Variants in MACROD2 observed in about 807,000 individuals in gnomAD.
The protein encoded by MACROD2 is mono-ADP ribosylhydrolase 2, also known as ADP-ribose glycohydrolase MACROD2.
In MACROD2, 36 loss-of-function variants were observed where a neutral mutation model predicts 70.4. The ratio of observed to expected loss-of-function variants is 0.51; its 90% CI spans 0.39 to 0.68. The LOEUF (loss-of-function observed/expected upper bound fraction) is 0.68. Ranked by LOEUF, MACROD2 falls within the 30% of genes least tolerant of loss-of-function variation. The pLI is 0.00. For synonymous variants in MACROD2, 172 were observed against 178.8 expected (o/e 0.96, Z 0.30); for missense variants, 496 against 538.4 (o/e 0.92, Z 0.78).
chr20:14,788,761 G>GT (rs1186932699), intron 5 of MACROD2, among the ~76,000 whole-genome samples: 7 of 102,576 alleles, frequency 6.8e-5, no homozygotes, highest in South Asian at 5.9e-4. Flanking sequence ...ACTAGTGGTG[G>GT]TGTTTTTTTT....
intron 5 of MACROD2, among the ~76,000 whole-genome samples, chr20:15,017,760 T>G (rs2075133026): frequency 1.3e-5 from 2 of 152,228 alleles, no homozygotes; most frequent in Non-Finnish European, 2.9e-5. Flanking sequence ...ACATGGAAAC[T>G]GCCAAAGCTT....
At chr20:14,252,064 T>C (rs2082017844) in intron 3 of MACROD2, among the ~76,000 whole-genome samples, 1 of 152,088 alleles carries the variant, frequency 6.6e-6, no homozygotes, top group African/African-American at 2.4e-5. Flanking sequence ...TGTGTCCCAC[T>C]ATGGACACAC....
At chr20:14,262,679 G>A (rs2082110554) in intron 3 of MACROD2, among the ~76,000 whole-genome samples, 1 of 152,192 alleles carries the variant, frequency 6.6e-6, no homozygotes, top group East Asian at 1.9e-4. Context: ...GGGAGAGGTA[G>A]GAGAGGGAGT....
intron 5 of MACROD2, among the ~76,000 whole-genome samples, chr20:14,861,845 G>C (rs1481683162): frequency 6.8e-6 from 1 of 146,668 alleles, no homozygotes; most frequent in African/African-American, 2.5e-5. Context: ...TGGCTCTCCT[G>C]CTGCTGGCCA....
intron 8 of MACROD2, among the ~76,000 whole-genome samples, chr20:15,697,462 T>C (rs891696306): frequency 6.6e-6 from 1 of 152,198 alleles, no homozygotes; most frequent in Non-Finnish European, 1.5e-5. Context: ...GAGGCCCCTT[T>C]TATGTCCTAT....
intron 3 of MACROD2, among the ~76,000 whole-genome samples, chr20:14,395,336 T>A (rs1170263187): frequency 6.6e-6 from 1 of 152,116 alleles, no homozygotes; most frequent in East Asian, 1.9e-4. Context: ...TCAAGTTTTT[T>A]AACTAATTTG....
intron 12 of MACROD2, among the ~76,000 whole-genome samples, chr20:15,950,709 T>C (rs1455696188): frequency 5.3e-5 from 8 of 152,192 alleles, no homozygotes; most frequent in African/African-American, 1.9e-4. Context: ...GTTTAAAATT[T>C]TATAGCATCT....
chr20:15,065,426 C>T lies in MACROD2; in HGVS notation c.419-164514C>T, dbSNP rs60157421. ...ATCCCAGCACTTTGGGAGGCCGAGG[C>T]GGGCGGATCACAAGGTCAGGAGATC... On this transcript the variant is annotated intron_variant, in intron 5 of 17. Transcript: ENST00000684519. 5.6e-3 allele frequency among the ~76,000 whole-genome samples: 859 copies of T among 152,110 alleles called. 26 individuals are homozygous for T. In the East Asian group the frequency reaches 0.092, roughly 16 times the overall value.
chr20:15,257,726 TTAAGA>T (rs1181627305), intron 6 of MACROD2, among the ~76,000 whole-genome samples: 2 of 152,074 alleles, frequency 1.3e-5, no homozygotes, highest in Non-Finnish European at 2.9e-5. Flanking sequence ...CACACAATAC[TTAAGA>T]TAATAAACTA....
intron 3 of MACROD2, among the ~76,000 whole-genome samples, chr20:14,340,510 A>C (rs878873471): frequency 3.3e-5 from 5 of 152,148 alleles, no homozygotes; most frequent in Admixed American, 3.3e-4. Context: ...GGAATTTTTC[A>C]AATTTCTCTT....
At chr20:15,350,950 CAAAAAA>C (rs1284574458) in intron 6 of MACROD2, among the ~76,000 whole-genome samples, 1 of 151,838 alleles carries the variant, frequency 6.6e-6, no homozygotes, top group African/African-American at 2.4e-5. Flanking sequence ...AAAACAAAAA[CAAAAAA>C]ACCTCATCTG....
chr20:15,786,163 A>T (rs898586649), intron 8 of MACROD2, among the ~76,000 whole-genome samples: 9 of 150,240 alleles, frequency 6.0e-5, no homozygotes, highest in African/African-American at 9.7e-5. Flanking sequence ...AACAATATTA[A>T]AAAAAAAAAA....
At chr20:14,655,969 A>T (rs964430019) in intron 4 of MACROD2, among the ~76,000 whole-genome samples, 1 of 152,204 alleles carries the variant, frequency 6.6e-6, no homozygotes, top group Non-Finnish European at 1.5e-5. Context: ...CTGGAAATAG[A>T]AATGAAGAAA....
At chr20:14,810,520 A>C (rs1310216944) in intron 5 of MACROD2, among the ~76,000 whole-genome samples, 2 of 152,154 alleles carry the variant, frequency 1.3e-5, no homozygotes, top group African/African-American at 4.8e-5. Context: ...TTCCCTTCGA[A>C]AACTGGCACA....
chr20:15,757,886 C>T (rs890095243), intron 8 of MACROD2, among the ~76,000 whole-genome samples: 5 of 152,216 alleles, frequency 3.3e-5, no homozygotes, highest in African/African-American at 1.2e-4. Context: ...CAAATACCAT[C>T]ACATTGGAGT....
intron 5 of MACROD2, among the ~76,000 whole-genome samples, chr20:14,825,393 C>A (rs937358737): frequency 6.6e-6 from 1 of 152,054 alleles, no homozygotes; most frequent in Non-Finnish European, 1.5e-5. Context: ...CTAGAAAGGT[C>A]TCCATATTGG....
intron 7 of MACROD2, among the ~76,000 whole-genome samples, chr20:15,482,996 A>AT (rs1312833839): frequency 6.6e-6 from 1 of 151,734 alleles, no homozygotes; most frequent in Non-Finnish European, 1.5e-5. Context: ...TTTTGCAAAT[A>AT]TTTTCACTCT....
chr20:14,284,837 C>G (rs959974562), intron 3 of MACROD2, among the ~76,000 whole-genome samples: 2 of 152,144 alleles, frequency 1.3e-5, no homozygotes, highest in African/African-American at 4.8e-5. Context: ...AGAGTTCACA[C>G]TTCACTGGGA....
chr20:15,019,170 C>T (rs530139666), intron 5 of MACROD2, among the ~76,000 whole-genome samples: 12 of 152,008 alleles, frequency 7.9e-5, no homozygotes, highest in Middle Eastern at 3.4e-3. Flanking sequence ...CACACGCGCG[C>T]GCGCGCGCGG....
Sources: allele counts gnomAD v4.1 joint callset (sites outside exome capture counted in the v4.1 genomes callset), GRCh38; gene constraint gnomAD v4.1.1; transcripts MANE v1.5; gene names NCBI Gene and HGNC (gene_info 2026-07-23, HGNC 2026-07-21).